The following SGCD variants were observed in gnomAD, a reference collection of about 807,000 sequenced individuals.
SGCD encodes the protein delta-sarcoglycan.
SGCD carries 18 observed loss-of-function variants against 36.6 expected under a neutral mutation model. That is an observed-to-expected ratio of 0.49 (90% confidence interval 0.34 to 0.73). The LOEUF (loss-of-function observed/expected upper bound fraction) is 0.73, where lower values mean the gene tolerates loss of function less well. Among genes scored for constraint, SGCD ranks in the 30% least tolerant of loss-of-function variants. SGCD has a pLI of 0.01. For synonymous variants in SGCD, 133 were observed against 130.6 expected, an observed-to-expected ratio of 1.02 and a Z score of -0.12; for missense variants, 387 against 346.7, an observed-to-expected ratio of 1.12 and a Z score of -0.92.
chr5:156,062,179 G>A (rs1307969422), intron 1 of SGCD, among the ~76,000 whole-genome samples: 5 of 84,628 alleles, frequency 5.9e-5, no homozygotes, highest in African/African-American at 4.6e-4. Flanking sequence ...GAGAATATGC[G>A]GTGTTTGGTT....
At chr5:156,142,771 A>T (rs1275951198) in intron 3 of SGCD, among the ~76,000 whole-genome samples, 1 of 152,212 alleles carries the variant, frequency 6.6e-6, no homozygotes, top group Non-Finnish European at 1.5e-5. Context: ...TGCTTCTAAC[A>T]GCCTAAGTCC....
At chr5:156,242,259 A>C (rs1472336540) in intron 3 of SGCD, among the ~76,000 whole-genome samples, 1 of 152,202 alleles carries the variant, frequency 6.6e-6, no homozygotes, top group Non-Finnish European at 1.5e-5. Context: ...TCAGTCTCAA[A>C]GGGATAACAT....
intron 1 of SGCD, among the ~76,000 whole-genome samples, chr5:155,911,652 A>C (rs996575799): frequency 6.6e-6 from 1 of 151,888 alleles, no homozygotes; most frequent in Non-Finnish European, 1.5e-5. Context: ...TCTTCTTTTG[A>C]ATTCATTTGT....
the SGCD span, among the ~76,000 whole-genome samples, chr5:155,791,571 C>T: frequency 6.6e-6 from 1 of 152,082 alleles, no homozygotes; most frequent in Non-Finnish European, 1.5e-5. Context: ...TTTCAGGATA[C>T]AAAATCAATG....
intron 4 of SGCD, among the ~76,000 whole-genome samples, chr5:156,521,921 A>G (rs1757427277): frequency 6.6e-6 from 1 of 152,214 alleles, no homozygotes; most frequent in African/African-American, 2.4e-5. Context: ...CACTATTTAC[A>G]ATAGCAAAGA....
intron 3 of SGCD, among the ~76,000 whole-genome samples, chr5:156,485,619 G>A (rs945561878): frequency 1.3e-5 from 2 of 152,036 alleles, no homozygotes; most frequent in Non-Finnish European, 2.9e-5. Context: ...TCACGCCATT[G>A]CACTCTAGCC....
chr5:156,692,291 G>A (rs2113708906), intron 7 of SGCD, among the ~76,000 whole-genome samples: 1 of 152,286 alleles, frequency 6.6e-6, no homozygotes, highest in Admixed American at 6.5e-5. Context: ...GTTGCCTGAA[G>A]TCCTGAGATG....
chr5:156,469,950 A>C (rs931666035), intron 3 of SGCD, among the ~76,000 whole-genome samples: 5 of 152,220 alleles, frequency 3.3e-5, no homozygotes, highest in Non-Finnish European at 5.9e-5. Context: ...AAGTCTCCAA[A>C]GTTCACACTG....
intron 1 of SGCD, among the ~76,000 whole-genome samples, chr5:155,995,986 CAAAAAAAAAA>C (rs753195795): frequency 4.3e-5 from 2 of 46,272 alleles, no homozygotes; most frequent in Non-Finnish European, 1.1e-4. Context: ...CAGACCACAC[CAAAAAAAAAA>C]AAAAAAAAAA....
intron 3 of SGCD, among the ~76,000 whole-genome samples, chr5:156,386,769 G>A (rs1410068764): frequency 1.3e-5 from 2 of 152,214 alleles, no homozygotes; most frequent in African/African-American, 4.8e-5. Flanking sequence ...ACAAGTGTTG[G>A]CTTTTTTGTT....
At chr5:155,750,504 AT>A in the SGCD span, among the ~76,000 whole-genome samples, 4 of 152,170 alleles carry the variant, frequency 2.6e-5, no homozygotes, top group Admixed American at 2.0e-4. Flanking sequence ...GAAGAAAAAA[AT>A]AACCTCTATT....
intron 4 of SGCD, among the ~76,000 whole-genome samples, chr5:156,567,391 T>C (rs1393645397): frequency 7.4e-6 from 1 of 135,424 alleles, no homozygotes. Context: ...GATAGATAGA[T>C]AGATAGATAG....
intron 3 of SGCD, among the ~76,000 whole-genome samples, chr5:156,402,812 T>C (rs971931217): frequency 6.6e-6 from 1 of 152,200 alleles, no homozygotes; most frequent in Admixed American, 6.5e-5. Flanking sequence ...GACTGAAATG[T>C]GAGCACTAGG....
chr5:155,839,798 A>T, the SGCD span, among the ~76,000 whole-genome samples: 1 of 152,266 alleles, frequency 6.6e-6, no homozygotes, highest in Non-Finnish European at 1.5e-5. Context: ...AGACTATTCC[A>T]ATAGACTTGA....
chr5:155,880,291 C>T (rs1755856299), intron 1 of SGCD, among the ~76,000 whole-genome samples: 1 of 152,168 alleles, frequency 6.6e-6, no homozygotes, highest in African/African-American at 2.4e-5. Context: ...TCCATAAATG[C>T]TAGGTATCTC....
At chr5:156,231,313 T>A (rs1765008519) in intron 3 of SGCD, among the ~76,000 whole-genome samples, 1 of 152,148 alleles carries the variant, frequency 6.6e-6, no homozygotes, top group Non-Finnish European at 1.5e-5. Flanking sequence ...GCTGTGTGGA[T>A]CACTTGAGGC....
At chr5:155,923,270 A>C (rs935162637) in intron 1 of SGCD, among the ~76,000 whole-genome samples, 1 of 152,230 alleles carries the variant, frequency 6.6e-6, no homozygotes, top group Non-Finnish European at 1.5e-5. Context: ...CCAAAAAGAC[A>C]TATATTGGGG....
chr5:155,965,991 TCC>T (rs1328229061), intron 1 of SGCD, among the ~76,000 whole-genome samples: 1 of 152,060 alleles, frequency 6.6e-6, no homozygotes, highest in Admixed American at 6.6e-5. Context: ...TGCCTGATGC[TCC>T]CTTCATGAAT....
intron 7 of SGCD, among the ~76,000 whole-genome samples, chr5:156,706,487 A>G (rs1012559834): frequency 1.3e-5 from 2 of 152,096 alleles, no homozygotes; most frequent in East Asian, 1.9e-4. Context: ...TCAATGTCAC[A>G]TTTCTGCCAC....
Sources: allele counts gnomAD v4.1 joint callset (sites outside exome capture counted in the v4.1 genomes callset), GRCh38; gene constraint gnomAD v4.1.1; transcripts MANE v1.5; gene names NCBI Gene and HGNC (gene_info 2026-07-23, HGNC 2026-07-21).